The following CORIN variants were observed in gnomAD, a reference collection of about 807,000 sequenced individuals.
CORIN encodes atrial natriuretic peptide-converting enzyme.
A neutral mutation model predicts 125.3 loss-of-function variants in CORIN; 117 were observed. The observed-to-expected ratio is 0.93, with a 90% confidence interval of 0.80 to 1.09. The LOEUF (loss-of-function observed/expected upper bound fraction) is 1.09, where lower values mean the gene tolerates loss of function less well. CORIN is among the 50% of genes least tolerant of loss of function. CORIN has a pLI of 0.00. For missense variants in CORIN, 1,253 were observed against 1,306.7 expected (o/e 0.96, Z 0.63); for synonymous variants, 450 against 466.4 (o/e 0.96, Z 0.45).
rs373804726 is a variant in CORIN at position 47,786,666 on chromosome 4, C to T, written c.409+59G>A. The T allele has an allele frequency of 9.1e-5, 127 of 1,399,332 alleles. No individual in the cohort carries two copies. The East Asian group carries it at 2.1e-3, about 23-fold the overall frequency. 86.7% of individuals were successfully genotyped at this position (1,399,332 alleles called of 1,614,324 possible). On this transcript the variant is annotated intron_variant, in intron 3 of 21. Transcript: ENST00000273857. ...TGAACTAAAAGCATTGGTTGCCAAA[C>T]TTAAAAACCTACCTGTGGGACATTA...
intron 19 of CORIN, among the ~76,000 whole-genome samples, chr4:47,609,367 G>A (rs1721783180): frequency 6.6e-6 from 1 of 152,188 alleles, no homozygotes; most frequent in African/African-American, 2.4e-5. Flanking sequence ...AGCCTCCTAA[G>A]TAGTTGGGAT....
intron 3 of CORIN, among the ~76,000 whole-genome samples, chr4:47,786,263 G>A (rs186397153): frequency 3.3e-5 from 5 of 151,790 alleles, no homozygotes; most frequent in African/African-American, 4.8e-5. Flanking sequence ...AGCAGGGCGC[G>A]GTGGCTCACG....
chr4:47,647,179 A>C lies in CORIN; in HGVS notation c.1844-1985T>G, dbSNP rs867230058. ...GTTCTGACAATAAGAGTCTCTTGAG[A>C]TTTGAGAAAGAGCCTGAAGCCTGTC... On this transcript the variant is annotated intron_variant, in intron 13 of 21. Coordinates refer to ENST00000273857, the MANE Select transcript of CORIN (RefSeq NM_006587.4). Among the ~76,000 whole-genome samples, 184 of 152,128 alleles carry C rather than the reference A, an allele frequency of 1.2e-3. 4 individuals are homozygous for C. The highest frequency in any genetic ancestry group is 1.4e-3 in the Admixed American group (21 of 15,260).
intron 4 of CORIN, among the ~76,000 whole-genome samples, chr4:47,761,307 T>TGA (rs1272790941): frequency 1.3e-5 from 2 of 152,190 alleles, no homozygotes; most frequent in East Asian, 3.9e-4. Flanking sequence ...ACTCTTCCCT[T>TGA]CACCTGAATA....
intron 6 of CORIN, among the ~76,000 whole-genome samples, chr4:47,687,460 C>T (rs1426011009): frequency 6.6e-6 from 1 of 152,064 alleles, no homozygotes; most frequent in African/African-American, 2.4e-5. Context: ...TCTAGACACA[C>T]CTTTTTTTTT....
At chr4:47,805,188 TA>T (rs1367697006) in intron 2 of CORIN, among the ~76,000 whole-genome samples, 3 of 150,400 alleles carry the variant, frequency 2.0e-5, no homozygotes, top group African/African-American at 7.3e-5. Context: ...ATAATTGGAT[TA>T]TAAAAAAAAT....
At position 47,776,855 on chromosome 4, in the gene CORIN, T is replaced by C. The variant is rs1730325563; in HGVS notation, c.409+9870A>G. ...TTTAAAATGAAGCAGTTTAATCTGT[T>C]TAAAAATAGAAGCTCCAGGATAGAC... is the stretch of plus-strand genomic sequence containing the variant. On this transcript the variant is annotated intron_variant, in intron 3 of 21. Transcript: ENST00000273857. 2.6e-5 allele frequency among the ~76,000 whole-genome samples: 4 copies of C among 152,214 alleles called. No homozygotes were observed. The South Asian group carries it at 8.3e-4, about 31-fold the overall frequency.
Position 47,744,436 on chromosome 4 carries a change from A to G in CORIN, c.765T>C (p.Ile255=). ...NQTESSNVSR[I]CFSPQQENGK... ...CGTTTTCCTGCTGAGGTGAGAAGCA[A>G]ATTCTGCTGACATTGCTGCTTTCAG... Residue 255 remains isoleucine, a synonymous_variant, in exon 5 of 22, where the codon ATT becomes ATC. Coordinates refer to ENST00000273857, the MANE Select transcript of CORIN (RefSeq NM_006587.4). 2 of 1,614,096 alleles carry G rather than the reference A, an allele frequency of 1.2e-6. No homozygotes were observed. Among genetic ancestry groups the G allele is most frequent in the Non-Finnish European group, 1.7e-6 (2 of 1,179,992 alleles).
At chr4:47,789,145 C>T (rs1417685446) in intron 2 of CORIN, among the ~76,000 whole-genome samples, 1 of 151,866 alleles carries the variant, frequency 6.6e-6, no homozygotes, top group Non-Finnish European at 1.5e-5. Flanking sequence ...ACTAAAAATA[C>T]AAAATAAAAT....
chr4:47,773,022 T>C (rs1730132052), intron 3 of CORIN, among the ~76,000 whole-genome samples: 1 of 152,166 alleles, frequency 6.6e-6, no homozygotes. Flanking sequence ...AGTTATAATT[T>C]TTTTTTAAAA....
intron 4 of CORIN, among the ~76,000 whole-genome samples, chr4:47,757,752 C>T (rs191195365): frequency 1.3e-5 from 2 of 150,414 alleles, no homozygotes; most frequent in African/African-American, 4.9e-5. Context: ...GGAAATTGTA[C>T]CTAAAAGTGC....
At position 47,763,568 on chromosome 4, in the gene CORIN, GTGA is replaced by G; in HGVS notation, c.425_427del (p.Ile142del). The stretch of plus-strand genomic sequence containing the variant: ...GGGCAGCATCTGACACTGGCTGTGG[GTGA>G]TGTTCATACAGGCACCTGGGAAGTA... On this transcript the variant is annotated inframe_deletion, in exon 4 of 22. Coordinates refer to ENST00000273857, the MANE Select transcript of CORIN (RefSeq NM_006587.4). 3.7e-6 allele frequency: 6 copies of G among 1,614,052 alleles called. No individual in the cohort carries two copies. The highest frequency in any genetic ancestry group is 5.1e-6 in the Non-Finnish European group (6 of 1,179,964).
intron 5 of CORIN, among the ~76,000 whole-genome samples, chr4:47,742,883 T>C (rs1484943738): frequency 2.0e-5 from 3 of 152,120 alleles, no homozygotes; most frequent in Non-Finnish European, 4.4e-5. Flanking sequence ...TAGTGTGGTA[T>C]TGTCTTAATT....
intron 1 of CORIN, among the ~76,000 whole-genome samples, chr4:47,816,091 C>T (rs1732255104): frequency 6.6e-6 from 1 of 152,164 alleles, no homozygotes; most frequent in African/African-American, 2.4e-5. Flanking sequence ...GCATAGAAGA[C>T]AAAGTGGATT....
intron 5 of CORIN, among the ~76,000 whole-genome samples, chr4:47,717,139 C>A (rs966431188): frequency 6.6e-6 from 1 of 152,112 alleles, no homozygotes; most frequent in African/African-American, 2.4e-5. Context: ...TGTTAAAACT[C>A]AAAAATCTCA....
At chr4:47,733,480 GC>G (rs1409018010) in intron 5 of CORIN, among the ~76,000 whole-genome samples, 1 of 152,194 alleles carries the variant, frequency 6.6e-6, no homozygotes, top group Non-Finnish European at 1.5e-5. Context: ...GTTGCTAGCA[GC>G]AACCGGAGCT....
At chr4:47,632,776 GTT>G (rs1722886736) in intron 16 of CORIN, among the ~76,000 whole-genome samples, 1 of 122,398 alleles carries the variant, frequency 8.2e-6, no homozygotes, top group Non-Finnish European at 1.7e-5. Flanking sequence ...GAGATAGATA[GTT>G]AGATAGATTT....
intron 19 of CORIN, among the ~76,000 whole-genome samples, chr4:47,611,939 T>G (rs1721887166): frequency 6.6e-6 from 1 of 152,234 alleles, no homozygotes; most frequent in African/African-American, 2.4e-5. Context: ...AAAAGCTTTT[T>G]GATGTGCTGC....
rs1208180363 is a variant in CORIN at position 47,601,604 on chromosome 4, C to T, written c.2813-1257G>A. Among the ~76,000 whole-genome samples the T allele has an allele frequency of 3.8e-4, 57 of 151,718 alleles. 1 individual carries two copies. The highest frequency in any genetic ancestry group is 3.6e-3 in the Admixed American group (55 of 15,228). On this transcript the variant is annotated intron_variant, in intron 20 of 21. Coordinates refer to ENST00000273857, the MANE Select transcript of CORIN (RefSeq NM_006587.4). ...TGCTATACTACATGTGTGGAGTGTG[C>T]GTTATGTTGCACTATTGCTCTGAGT...
Sources: gnomAD v4.1 joint callset for allele counts (sites outside exome capture counted in the v4.1 genomes callset) on GRCh38, gnomAD v4.1.1 for gene constraint, MANE v1.5 for transcripts, NCBI Gene and HGNC (gene_info 2026-07-23, HGNC 2026-07-21) for gene names.